The following MAPDA variants were observed in gnomAD, a reference collection of about 807,000 sequenced individuals.
MAPDA encodes the protein N6,N6-dimethyl-AMP deaminase.
chr15:43,352,204 C>T, the MAPDA span: 1 of 345,724 alleles, frequency 2.9e-6, no homozygotes, highest in Non-Finnish European at 5.2e-6. Context: ...TGTGACTCAG[C>T]AGTCCTTCCC....
chr15:43,341,235 A>G, the MAPDA span, among the ~76,000 whole-genome samples: 1 of 152,044 alleles, frequency 6.6e-6, no homozygotes, highest in Non-Finnish European at 1.5e-5. Context: ...AAGTGTTTAC[A>G]TAAGATAAGG....
the MAPDA span, chr15:43,340,128 T>C: frequency 8.2e-6 from 6 of 729,984 alleles, no homozygotes; most frequent in African/African-American, 1.8e-5. Flanking sequence ...AAGTGGATAA[T>C]CTCTACCACG....
chr15:43,340,486 T>C, the MAPDA span: 2 of 692,508 alleles, frequency 2.9e-6, no homozygotes, highest in East Asian at 2.8e-5. Flanking sequence ...GAACCTTTAG[T>C]CAACAGTCCA....
the MAPDA span, among the ~76,000 whole-genome samples, chr15:43,349,713 G>A: frequency 6.6e-6 from 1 of 152,224 alleles, no homozygotes; most frequent in African/African-American, 2.4e-5. Context: ...CTATTTTACA[G>A]AATGATCAAT....
chr15:43,330,871 G>A, the MAPDA span: 2 of 168,842 alleles, frequency 1.2e-5, no homozygotes, highest in Non-Finnish European at 2.5e-5. Flanking sequence ...TGAGTCTGTG[G>A]GGACTGACGA....
At chr15:43,330,730 T>C in the MAPDA span, 1 of 441,264 alleles carries the variant, frequency 2.3e-6, no homozygotes, top group Non-Finnish European at 4.1e-6. Context: ...TGAGTTCCAT[T>C]TGTCCCAGAA....
chr15:43,332,137 T>A, the MAPDA span: 1 of 152,010 alleles, frequency 6.6e-6, no homozygotes, highest in Admixed American at 6.6e-5. Flanking sequence ...AGGTGTGAGG[T>A]AGGGCAGAGA....
chr15:43,335,049 ACAT>A, the MAPDA span: 1 of 1,533,214 alleles, frequency 6.5e-7, no homozygotes, highest in Non-Finnish European at 9.0e-7. Flanking sequence ...TGACTGAAAT[ACAT>A]CATATTGCTC....
the MAPDA span, among the ~76,000 whole-genome samples, chr15:43,337,044 G>A: frequency 1.3e-5 from 2 of 151,798 alleles, no homozygotes; most frequent in Admixed American, 6.6e-5. Flanking sequence ...CGAGGTGGGC[G>A]GATCACAAGG....
At chr15:43,351,344 AG>A in the MAPDA span, 1 of 325,326 alleles carries the variant, frequency 3.1e-6, no homozygotes, top group Non-Finnish European at 5.6e-6. Context: ...AAAAAAAAAA[AG>A]GGACTGGGAC....
chr15:43,347,093 A>C, the MAPDA span: 2 of 1,611,584 alleles, frequency 1.2e-6, no homozygotes, highest in Admixed American at 3.3e-5. Context: ...TGCATCTTTC[A>C]GAGGTAAATA....
chr15:43,351,425 AAAAC>A, the MAPDA span: 1 of 335,650 alleles, frequency 3.0e-6, no homozygotes, highest in Non-Finnish European at 5.4e-6. Flanking sequence ...AGAGGACTTA[AAAAC>A]AAACAAAAAA....
At chr15:43,345,164 C>T in the MAPDA span, among the ~76,000 whole-genome samples, 2 of 151,968 alleles carry the variant, frequency 1.3e-5, no homozygotes, top group Non-Finnish European at 2.9e-5. Context: ...ACCATCTTGG[C>T]TAACACGGTG....
chr15:43,338,761 T>A, the MAPDA span, among the ~76,000 whole-genome samples: 1 of 152,222 alleles, frequency 6.6e-6, no homozygotes, highest in Non-Finnish European at 1.5e-5. Flanking sequence ...CAAACACAGA[T>A]GTAGACCCCA....
At chr15:43,335,977 C>T in the MAPDA span, 6 of 919,788 alleles carry the variant, frequency 6.5e-6, no homozygotes, top group African/African-American at 1.7e-5. Flanking sequence ...CATTTTTTTC[C>T]AGCTGTTAGA....
the MAPDA span, among the ~76,000 whole-genome samples, chr15:43,338,833 A>G: frequency 6.6e-6 from 1 of 152,120 alleles, no homozygotes; most frequent in South Asian, 2.1e-4. Context: ...GCCTAGATAA[A>G]TCTTCCTCCC....
At chr15:43,344,209 T>C in the MAPDA span, among the ~76,000 whole-genome samples, 1 of 152,164 alleles carries the variant, frequency 6.6e-6, no homozygotes, top group African/African-American at 2.4e-5. Context: ...AGGAAATAGA[T>C]TGATTTATGC....
At chr15:43,344,806 C>CA in the MAPDA span, among the ~76,000 whole-genome samples, 33,148 of 90,666 alleles carry the variant, frequency 0.37, 6,345 homozygotes, top group African/African-American at 0.6. Context: ...AATTCTGTCT[C>CA]AAAAAAAAAA....
At chr15:43,335,927 G>A in the MAPDA span, 1 of 1,434,410 alleles carries the variant, frequency 7.0e-7, no homozygotes, top group Non-Finnish European at 9.4e-7. Flanking sequence ...AACAGAAATA[G>A]GGTTGGCATG....
Sources: gnomAD v4.1 joint callset for allele counts (sites outside exome capture counted in the v4.1 genomes callset) on GRCh38, gnomAD v4.1.1 for gene constraint, MANE v1.5 for transcripts, NCBI Gene and HGNC (gene_info 2026-07-23, HGNC 2026-07-21) for gene names.